Variants in PCDH15 observed in about 807,000 individuals in gnomAD.
The protein encoded by PCDH15 is protocadherin related 15, also known as protocadherin-15.
A neutral mutation model predicts 178.5 loss-of-function variants in PCDH15; 129 were observed. The observed-to-expected ratio is 0.72, with a 90% CI of 0.63 to 0.84. The LOEUF is 0.84. Among genes scored for constraint, PCDH15 ranks in the 40% least tolerant of loss-of-function variants. PCDH15 has a pLI of 0.00. For synonymous variants in PCDH15, 800 were observed against 732.0 expected, an observed-to-expected ratio of 1.09 and a Z score of -1.50; for missense variants, 2,230 against 2,099.9, an observed-to-expected ratio of 1.06 and a Z score of -1.21.
At chr10:54,155,616 G>A (rs143221942) in intron 13 of PCDH15, among the ~76,000 whole-genome samples, 2,169 of 151,868 alleles carry the variant, frequency 0.014, 31 homozygotes, top group East Asian at 0.062. Flanking sequence ...CTGAGACACT[G>A]ATTCTGAATA....
intron 2 of PCDH15, among the ~76,000 whole-genome samples, chr10:54,898,504 T>G (rs1954585689): frequency 6.6e-6 from 1 of 152,142 alleles, no homozygotes; most frequent in Admixed American, 6.6e-5. Context: ...TATATTTTAT[T>G]TATATTTCCC....
chr10:55,346,897 G>T (rs528119913), intron 2 of PCDH15, among the ~76,000 whole-genome samples: 93 of 151,970 alleles, frequency 6.1e-4, no homozygotes, highest in African/African-American at 2.0e-3. Flanking sequence ...GTCAGTACAG[G>T]TTACTATAAA....
At chr10:54,014,435 C>A (rs2092681701) in intron 20 of PCDH15, among the ~76,000 whole-genome samples, 1 of 151,998 alleles carries the variant, frequency 6.6e-6, no homozygotes, top group Admixed American at 6.6e-5. Context: ...ATCTTGATAC[C>A]AAAACCTGGC....
At chr10:54,221,685 T>C (rs1388015166) in intron 9 of PCDH15, among the ~76,000 whole-genome samples, 1 of 152,050 alleles carries the variant, frequency 6.6e-6, no homozygotes, top group African/African-American at 2.4e-5. Context: ...TCACTCCAAC[T>C]TCTGCCTCCT....
chr10:55,150,423 C>G (rs1422702589), intron 2 of PCDH15, among the ~76,000 whole-genome samples: 1 of 152,084 alleles, frequency 6.6e-6, no homozygotes, highest in Non-Finnish European at 1.5e-5. Flanking sequence ...TAATTGAAAA[C>G]TTGGTTATTT....
intron 14 of PCDH15, among the ~76,000 whole-genome samples, chr10:54,139,373 A>C (rs1159658712): frequency 6.6e-6 from 1 of 152,206 alleles, no homozygotes; most frequent in Non-Finnish European, 1.5e-5. Context: ...TTTTCAGAAG[A>C]AATCTGGATA....
At chr10:55,211,714 G>A (rs774445603) in intron 1 of PCDH15, among the ~76,000 whole-genome samples, 48 of 151,928 alleles carry the variant, frequency 3.2e-4, no homozygotes, top group Admixed American at 7.2e-4. Context: ...CCAATAAAGC[G>A]GGCAGACACT....
At chr10:54,988,354 G>A (rs1839421111) in intron 2 of PCDH15, among the ~76,000 whole-genome samples, 2 of 152,124 alleles carry the variant, frequency 1.3e-5, no homozygotes, top group African/African-American at 4.8e-5. Context: ...CCAAAATATG[G>A]AAGTGACTTT....
chr10:53,949,831 A>G (rs553914741), intron 23 of PCDH15, among the ~76,000 whole-genome samples: 9 of 152,228 alleles, frequency 5.9e-5, no homozygotes, highest in Non-Finnish European at 1.3e-4. Flanking sequence ...TTCTTTGGCC[A>G]CTGTGATAAT....
At chr10:55,044,219 T>C (rs1249091795) in intron 2 of PCDH15, among the ~76,000 whole-genome samples, 1 of 152,146 alleles carries the variant, frequency 6.6e-6, no homozygotes, top group Non-Finnish European at 1.5e-5. Context: ...GCAGAGTTAC[T>C]AGAAATACTG....
rs1229515750 is a variant in PCDH15, at chr10:55,582,619, TATA to T, written c.-156+45003_-156+45005del. Among the ~76,000 whole-genome samples the T allele has an allele frequency of 1.0e-3, 105 of 102,768 alleles. 2 individuals are homozygous for T. Among genetic ancestry groups the T allele is most frequent in the African/African-American group, 4.5e-3 (94 of 21,058 alleles). The allele number at this position is 102,768 out of a possible 152,430, so 67.4% of individuals were successfully genotyped here. ...GTGTATATATATATATATATATATA[TATA>T]TATATATTTTTTTTTTTTTGCTATA... On this transcript the variant is annotated intron_variant, in intron 2 of 5. Coordinates refer to the PCDH15 transcript ENST00000613346.
At chr10:54,228,346 T>A (rs566259876) in intron 9 of PCDH15, among the ~76,000 whole-genome samples, 59 of 151,606 alleles carry the variant, frequency 3.9e-4, no homozygotes, top group African/African-American at 1.4e-3. Context: ...CTCCTCTTTT[T>A]AAAAAAAAAT....
intron 7 of PCDH15, among the ~76,000 whole-genome samples, chr10:54,328,314 G>C (rs982615029): frequency 6.6e-6 from 1 of 151,774 alleles, no homozygotes; most frequent in African/African-American, 2.4e-5. Context: ...ATATCTTTAT[G>C]CCTCATTTCT....
intron 15 of PCDH15, among the ~76,000 whole-genome samples, chr10:54,108,949 C>A (rs987023099): frequency 1.3e-5 from 2 of 152,026 alleles, no homozygotes; most frequent in Non-Finnish European, 2.9e-5. Flanking sequence ...CATCAACTGA[C>A]GCAACAAACA....
intron 2 of PCDH15, among the ~76,000 whole-genome samples, chr10:55,562,671 A>C (rs1842224655): frequency 6.6e-6 from 1 of 152,058 alleles, no homozygotes; most frequent in Admixed American, 6.6e-5. Flanking sequence ...ATAGTCATTA[A>C]CTATTTATGT....
At chr10:55,592,207 C>T (rs1842855623) in intron 2 of PCDH15, among the ~76,000 whole-genome samples, 1 of 152,172 alleles carries the variant, frequency 6.6e-6, no homozygotes, top group South Asian at 2.1e-4. Context: ...CAAACTTGCT[C>T]TGTGCACCCA....
intron 3 of PCDH15, among the ~76,000 whole-genome samples, chr10:54,858,805 T>G (rs1953786127): frequency 6.6e-6 from 1 of 152,064 alleles, no homozygotes; most frequent in African/African-American, 2.4e-5. Context: ...AACGTCTGTG[T>G]GGTGAATGGC....
Position 55,084,651 on chromosome 10 carries a change from G to A in PCDH15, c.-80+81925C>T, listed in dbSNP as rs192136768. ...AATGAAGAGACAACCCACAAAATGG[G>A]AGAAAATATTTGCTAACTATCCATC... On this transcript the variant is annotated intron_variant, in intron 2 of 5. Coordinates refer to the PCDH15 transcript ENST00000458638. 2.2e-3 allele frequency among the ~76,000 whole-genome samples: 339 copies of A among 152,006 alleles called. 1 individual carries two copies. Among genetic ancestry groups the A allele is most frequent in the African/African-American group, 7.9e-3 (329 of 41,520 alleles).
chr10:54,511,439 C>A (rs564210505), intron 3 of PCDH15, among the ~76,000 whole-genome samples: 1 of 152,112 alleles, frequency 6.6e-6, no homozygotes, highest in African/African-American at 2.4e-5. Flanking sequence ...ACGCCTACCA[C>A]CAGAAACAGA....
Sources: allele counts gnomAD v4.1 joint callset (sites outside exome capture counted in the v4.1 genomes callset), GRCh38; gene constraint gnomAD v4.1.1; transcripts MANE v1.5; gene names NCBI Gene and HGNC (gene_info 2026-07-23, HGNC 2026-07-21).